MTERF4: variants seen among roughly 807,000 people sequenced by gnomAD.
The protein encoded by MTERF4 is mitochondrial transcription termination factor 4.
Under a neutral mutation model 22.5 loss-of-function variants are expected in MTERF4, and 17 were observed. The observed-to-expected ratio is 0.75, with a 90% CI of 0.52 to 1.13. The LOEUF is 1.13. Ranked by LOEUF, MTERF4 falls within the 50% of genes most tolerant of loss-of-function variation. MTERF4 has a pLI of 0.00. For missense variants in MTERF4, 420 were observed against 466.8 expected, an observed-to-expected ratio of 0.90 and a Z score of 0.92; for synonymous variants, 165 against 175.3, an observed-to-expected ratio of 0.94 and a Z score of 0.47.
At chr2:241,046,209 A>G in the MTERF4 span, among the ~76,000 whole-genome samples, 3 of 152,250 alleles carry the variant, frequency 2.0e-5, no homozygotes, top group Admixed American at 6.5e-5. Flanking sequence ...TTTAGTGGAA[A>G]TGCAAAATGG....
At chr2:241,089,438 T>G, downstream of MTERF4, 3 of 1,548,376 alleles carry the variant, frequency 1.9e-6, no homozygotes, top group East Asian at 7.3e-5. Context: ...TTTTCAGATA[T>G]AGGCTCACAC....
At chr2:241,081,326 G>A (rs568199888) in intron 4 of MTERF4, among the ~76,000 whole-genome samples, 40 of 152,292 alleles carry the variant, frequency 2.6e-4, no homozygotes, top group African/African-American at 8.7e-4. Flanking sequence ...AGCAAGGGTC[G>A]GGGTGGGGAG....
downstream of MTERF4, chr2:241,094,582 C>T (rs1294146608): frequency 1.1e-5 from 4 of 357,450 alleles, no homozygotes; most frequent in South Asian, 4.3e-5. This position sits in a 1 kb window ranked among gnomAD's most constrained non-coding sequence, Gnocchi z 4.3. Context: ...ATAATACGAT[C>T]CTAAGTCCAT....
At chr2:241,068,935 C>T (rs373004128), downstream of MTERF4, 145 of 1,554,262 alleles carry the variant, frequency 9.3e-5, no homozygotes, top group Non-Finnish European at 1.2e-4. This position sits in a 1 kb window ranked among gnomAD's most constrained non-coding sequence, Gnocchi z 5.3. Context: ...GGAAGAGGTA[C>T]ACCATCCAGC....
At chr2:241,098,330 C>G (rs999569068) in intron 2 of MTERF4, among the ~76,000 whole-genome samples, 7 of 152,152 alleles carry the variant, frequency 4.6e-5, no homozygotes, top group African/African-American at 1.7e-4. Context: ...TTCTTATCTT[C>G]TAGAGAAGGA....
intron 4 of MTERF4, among the ~76,000 whole-genome samples, chr2:241,079,042 A>G (rs1199640508): frequency 7.0e-6 from 1 of 143,600 alleles, no homozygotes; most frequent in Non-Finnish European, 1.5e-5. Flanking sequence ...TGAACCCAGG[A>G]GGCGGAGGCT....
chr2:241,044,738 A>C, the MTERF4 span, among the ~76,000 whole-genome samples: 1 of 152,206 alleles, frequency 6.6e-6, no homozygotes, highest in African/African-American at 2.4e-5. Context: ...CTTCCTCTCC[A>C]GTTGGAGGTG....
At chr2:241,087,989 G>A (rs866771148), downstream of MTERF4, 32 of 398,342 alleles carry the variant, frequency 8.0e-5, no homozygotes, top group Middle Eastern at 6.3e-4. Context: ...ACACGTACTT[G>A]TTTGGCATTA....
At chr2:241,089,025 A>C (rs1008751514), downstream of MTERF4, 1 of 352,110 alleles carries the variant, frequency 2.8e-6, no homozygotes, top group Non-Finnish European at 5.1e-6. Flanking sequence ...TGTTTAAGCC[A>C]GCATTTCCCA....
At chr2:241,069,092 C>T, downstream of MTERF4, 1 of 1,080,236 alleles carries the variant, frequency 9.3e-7, no homozygotes, top group Non-Finnish European at 1.3e-6. This position sits in a 1 kb window ranked among gnomAD's most constrained non-coding sequence, Gnocchi z 4.9. Flanking sequence ...TCCTTCCAGC[C>T]TCCCCTAGTC....
At chr2:241,052,482 G>A in the MTERF4 span, 1 of 1,580,590 alleles carries the variant, frequency 6.3e-7, no homozygotes, top group Non-Finnish European at 8.6e-7. Context: ...AGAGGGTCAG[G>A]GGGATCAAGC....
downstream of MTERF4, among the ~76,000 whole-genome samples, chr2:241,068,736 G>A (rs571157624): frequency 3.5e-3 from 532 of 152,278 alleles, 2 homozygotes; most frequent in Admixed American, 7.7e-3. The surrounding 1 kb of genome is among the most constrained non-coding windows in gnomAD (Gnocchi z 5.3). Context: ...TCCCGCCCTA[G>A]GAGCACACGG....
downstream of MTERF4, chr2:241,069,837 C>G (rs1489463341): frequency 6.7e-7 from 1 of 1,492,888 alleles, no homozygotes; most frequent in African/African-American, 1.4e-5. This position sits in a 1 kb window ranked among gnomAD's most constrained non-coding sequence, Gnocchi z 4.9. Context: ...GCTGCGGCAG[C>G]CCATGTCCGG....
chr2:241,089,988 G>A, downstream of MTERF4: 1 of 1,548,740 alleles, frequency 6.5e-7, no homozygotes, highest in South Asian at 1.2e-5. Flanking sequence ...ACCTGGGCAG[G>A]GCGCTTAGCG....
chr2:241,084,920 T>C (rs543721131), downstream of MTERF4, among the ~76,000 whole-genome samples: 140 of 152,346 alleles, frequency 9.2e-4, 1 homozygote, highest in African/African-American at 2.6e-3. Flanking sequence ...GTTATATTTT[T>C]TTCTTTCATG....
chr2:241,063,020 C>T, the MTERF4 span: 1 of 637,754 alleles, frequency 1.6e-6, no homozygotes, highest in Non-Finnish European at 2.7e-6. Flanking sequence ...CCACTGCATG[C>T]TTTCTCGGGC....
chr2:241,047,600 A>G, the MTERF4 span, among the ~76,000 whole-genome samples: 2 of 152,274 alleles, frequency 1.3e-5, no homozygotes, highest in Admixed American at 1.3e-4. Flanking sequence ...TTTTCTGACC[A>G]TAGCAAAATT....
At chr2:241,052,757 CCAAGCAGGGTACA>C in the MTERF4 span, among the ~76,000 whole-genome samples, 1 of 105,590 alleles carries the variant, frequency 9.5e-6, no homozygotes, top group Non-Finnish European at 1.8e-5. Flanking sequence ...GGCCGGGGGG[CCAAGCAGGGTACA>C]TGGGATGCTG....
At chr2:241,050,508 C>G in the MTERF4 span, among the ~76,000 whole-genome samples, 5 of 152,178 alleles carry the variant, frequency 3.3e-5, no homozygotes, top group Non-Finnish European at 7.4e-5. Flanking sequence ...TCTCCAGGGG[C>G]TCAGCCCCAG....
Sources: allele counts gnomAD v4.1 joint callset (sites outside exome capture counted in the v4.1 genomes callset), GRCh38; gene constraint gnomAD v4.1.1; non-coding constraint Gnocchi (gnomAD v3.1); transcripts MANE v1.5; gene names NCBI Gene and HGNC (gene_info 2026-07-23, HGNC 2026-07-21).